The following CALN1 variants were observed in gnomAD, a reference collection of about 807,000 sequenced individuals.
CALN1 encodes calcium-binding protein 8.
In CALN1, 17 loss-of-function variants were observed where a neutral mutation model predicts 30.6. The ratio of observed to expected loss-of-function variants is 0.56; its 90% CI spans 0.38 to 0.83. The LOEUF is 0.83. Ranked by LOEUF, CALN1 falls within the 40% of genes least tolerant of loss-of-function variation. CALN1 has a pLI of 0.00. For missense variants in CALN1, 291 were observed against 354.9 expected, an observed-to-expected ratio of 0.82 and a Z score of 1.45; for synonymous variants, 156 against 131.4, an observed-to-expected ratio of 1.19 and a Z score of -1.28.
chr7:72,271,593 T>TATATATATATATATATATATATATAC (rs1225280287), intron 3 of CALN1, among the ~76,000 whole-genome samples: 2 of 114,820 alleles, frequency 1.7e-5, no homozygotes, highest in African/African-American at 8.7e-5. Flanking sequence ...TATATATATA[T>TATATATATATATATATATATATATAC]AGTTTTCAGC....
the CALN1 span, among the ~76,000 whole-genome samples, chr7:72,473,413 G>A: frequency 1.3e-5 from 2 of 151,822 alleles, no homozygotes; most frequent in African/African-American, 2.4e-5. Context: ...CCAAGCCCGA[G>A]ACTAAAATGA....
intron 5 of CALN1, among the ~76,000 whole-genome samples, chr7:71,917,677 T>C (rs1215041762): frequency 6.6e-6 from 1 of 152,084 alleles, no homozygotes; most frequent in African/African-American, 2.4e-5. Flanking sequence ...AAATGCCAGA[T>C]GCTTAAAAAA....
chr7:71,825,068 C>G (rs1038066175), intron 5 of CALN1, among the ~76,000 whole-genome samples: 1 of 152,184 alleles, frequency 6.6e-6, no homozygotes, highest in African/African-American at 2.4e-5. Context: ...TTGGTCCCCA[C>G]AGCGCAAACA....
At chr7:72,281,397 T>C (rs769116541) in intron 2 of CALN1, among the ~76,000 whole-genome samples, 5 of 152,188 alleles carry the variant, frequency 3.3e-5, no homozygotes, top group African/African-American at 9.6e-5. Flanking sequence ...GAAAATGAGA[T>C]GTCAACCCTG....
chr7:71,795,406 G>T (rs896820638), intron 6 of CALN1, among the ~76,000 whole-genome samples: 4 of 152,084 alleles, frequency 2.6e-5, no homozygotes, highest in Non-Finnish European at 5.9e-5. Context: ...CTATAAAAGG[G>T]CCTGCTCCTT....
At position 72,363,933 on chromosome 7, in the gene CALN1, C is replaced by T. The variant is rs1803719806; in HGVS notation, c.119+39318G>A. ...TATTTTCAGTAGAGAAGGGTTTTCACCACATTGGCCAGGCTGGTCTCAAAC... is the reference window on the plus strand; with the variant it reads ...TATTTTCAGTAGAGAAGGGTTTTCATCACATTGGCCAGGCTGGTCTCAAAC... On this transcript the variant is annotated intron_variant, in intron 2 of 6. Coordinates refer to ENST00000395275, the MANE Select transcript of CALN1 (RefSeq NM_031468.4). Among the ~76,000 whole-genome samples, 13 of 151,972 alleles carry T rather than the reference C, an allele frequency of 8.6e-5. No homozygotes were observed. In the South Asian group the frequency reaches 2.7e-3, roughly 32 times the overall value.
At chr7:71,903,625 T>C (rs1793979583) in intron 5 of CALN1, among the ~76,000 whole-genome samples, 1 of 152,130 alleles carries the variant, frequency 6.6e-6, no homozygotes, top group Non-Finnish European at 1.5e-5. Context: ...AATGAAAAGC[T>C]TCATGACATT....
chr7:72,296,613 T>C (rs1399467496), intron 2 of CALN1, among the ~76,000 whole-genome samples: 20 of 141,888 alleles, frequency 1.4e-4, no homozygotes, highest in African/African-American at 5.2e-4. Flanking sequence ...GTCGAGGAAT[T>C]TATCCATTTC....
At chr7:72,387,266 AAGGG>A (rs1805276741) in intron 2 of CALN1, among the ~76,000 whole-genome samples, 1 of 7,310 alleles carries the variant, frequency 1.4e-4, no homozygotes, top group African/African-American at 4.2e-4. Flanking sequence ...GGAAGGGAGG[AAGGG>A]AGGAAGGGAG....
chr7:72,111,804 G>A (rs1807595915), intron 3 of CALN1, among the ~76,000 whole-genome samples: 1 of 151,558 alleles, frequency 6.6e-6, no homozygotes, highest in African/African-American at 2.4e-5. Context: ...AGGCTGGAGT[G>A]CAGTGGCATG....
chr7:71,877,659 TAA>T (rs1792328512), intron 5 of CALN1, among the ~76,000 whole-genome samples: 2 of 150,534 alleles, frequency 1.3e-5, no homozygotes, highest in South Asian at 4.2e-4. Flanking sequence ...GATGGAGAAA[TAA>T]AAAGACATTT....
intron 2 of CALN1, among the ~76,000 whole-genome samples, chr7:72,320,531 G>A (rs111462511): frequency 2.0e-5 from 3 of 152,190 alleles, no homozygotes; most frequent in African/African-American, 4.8e-5. Flanking sequence ...TGTACAAGTT[G>A]AGCAATTAGA....
intron 2 of CALN1, among the ~76,000 whole-genome samples, chr7:72,384,368 C>A (rs1338424803): frequency 1.3e-5 from 2 of 152,068 alleles, no homozygotes; most frequent in South Asian, 4.2e-4. Context: ...GCTGGAACAA[C>A]TGAATGATCG....
chr7:72,022,912 AAT>A (rs1294624022), intron 5 of CALN1, among the ~76,000 whole-genome samples: 1 of 127,620 alleles, frequency 7.8e-6, no homozygotes, highest in African/African-American at 3.9e-5. Flanking sequence ...AAATAAAATA[AAT>A]AAAATTAAAA....
Position 72,012,110 on chromosome 7 carries a change from C to T in CALN1, c.501+11547G>A, listed in dbSNP as rs565837160. Among the ~76,000 whole-genome samples, 43 of 152,268 alleles carry T rather than the reference C, an allele frequency of 2.8e-4. No homozygotes were observed. The South Asian group carries it at 5.2e-3, about 18-fold the overall frequency. ...GAAACCAGTGGTGCCAGGACTTTCC[C>T]GATAATGTGACCAGTGATTTTTCTC... is the stretch of plus-strand genomic sequence containing the variant. On this transcript the variant is annotated intron_variant, in intron 5 of 6. Transcript: ENST00000395275.
intron 3 of CALN1, among the ~76,000 whole-genome samples, chr7:72,202,238 G>C (rs1791488777): frequency 6.6e-6 from 1 of 152,096 alleles, no homozygotes; most frequent in Non-Finnish European, 1.5e-5. Context: ...GTGATATTAA[G>C]AATACACTTG....
At position 72,317,541 on chromosome 7, in the gene CALN1, C is replaced by CA. The variant is rs1207618374; in HGVS notation, c.120-38732_120-38731insT. On this transcript the variant is annotated intron_variant, in intron 2 of 6. Coordinates refer to ENST00000395275, the MANE Select transcript of CALN1 (RefSeq NM_031468.4). ...CCAGAGAACTGATGACAGCCAGCAT[C>CA]TGGTAGGATGGGACAGCTGGGCTGC... is the stretch of plus-strand genomic sequence containing the variant. Among the ~76,000 whole-genome samples, 4 of 152,318 alleles carry CA rather than the reference C, an allele frequency of 2.6e-5. No individual in the cohort carries two copies. In the East Asian group the frequency reaches 7.7e-4, roughly 29 times the overall value.
At position 72,249,659 on chromosome 7, in the gene CALN1, G is replaced by T. The variant is rs148117682; in HGVS notation, c.244+29027C>A. On this transcript the variant is annotated intron_variant, in intron 3 of 6. Transcript: ENST00000395275. ...TCTACAAAAAATACAAAAATTAGCTGGGTGTGGTGGCAGGTGACTGTAATC... is the reference window on the plus strand; with the variant it reads ...TCTACAAAAAATACAAAAATTAGCTTGGTGTGGTGGCAGGTGACTGTAATC... Among the ~76,000 whole-genome samples, 211 of 152,228 alleles carry T rather than the reference G, an allele frequency of 1.4e-3. 1 individual carries two copies. Among genetic ancestry groups the T allele is most frequent in the African/African-American group, 4.8e-3 (201 of 41,552 alleles).
At chr7:71,942,991 C>A (rs1437215402) in intron 5 of CALN1, among the ~76,000 whole-genome samples, 1 of 152,156 alleles carries the variant, frequency 6.6e-6, no homozygotes, top group Non-Finnish European at 1.5e-5. Flanking sequence ...AATCTTCCGC[C>A]TTTGATTCAA....
Sources: gnomAD v4.1 joint callset for allele counts (sites outside exome capture counted in the v4.1 genomes callset) on GRCh38, gnomAD v4.1.1 for gene constraint, MANE v1.5 for transcripts, NCBI Gene and HGNC (gene_info 2026-07-23, HGNC 2026-07-21) for gene names.